FHOD3: variants seen among roughly 807,000 people sequenced by gnomAD.
The protein encoded by FHOD3 is FH1/FH2 domain-containing protein 3.
Under a neutral mutation model 173.0 loss-of-function variants are expected in FHOD3, and 90 were observed. The ratio of observed to expected loss-of-function variants is 0.52; its 90% CI spans 0.44 to 0.62. The LOEUF (loss-of-function observed/expected upper bound fraction) is 0.62. Ranked by LOEUF, FHOD3 falls within the 20% of genes least tolerant of loss-of-function variation. The pLI, the probability that FHOD3 is intolerant of heterozygous loss-of-function variation, is 0.00. For synonymous variants in FHOD3, 828 were observed against 823.0 expected, an observed-to-expected ratio of 1.01 and a Z score of -0.10; for missense variants, 1,945 against 2,034.7, an observed-to-expected ratio of 0.96 and a Z score of 0.85.
intron 10 of FHOD3, among the ~76,000 whole-genome samples, chr18:36,628,203 T>C (rs915746442): frequency 4.6e-5 from 7 of 152,160 alleles, no homozygotes; most frequent in African/African-American, 1.7e-4. Flanking sequence ...ACAGGACAGG[T>C]TTTATTAACC....
chr18:36,367,672 G>A (rs937279074), intron 2 of FHOD3, among the ~76,000 whole-genome samples: 4 of 152,138 alleles, frequency 2.6e-5, no homozygotes, highest in African/African-American at 4.8e-5. Flanking sequence ...ATCAAATTTT[G>A]TATTAGTCAG....
Position 36,780,067 on chromosome 18 carries a change from CTT to C in FHOD3, c.*540_*541del. On this transcript the variant is annotated 3_prime_UTR_variant, in exon 29 of 29. Coordinates refer to ENST00000590592, the MANE Select transcript of FHOD3 (RefSeq NM_001281740.3). ...TAGAGTTTAATGCCATAATGAGAAACTTTTATTCTTCTGGGAACAGGACCTTA... is the reference window on the plus strand; with the variant it reads ...TAGAGTTTAATGCCATAATGAGAAACTTATTCTTCTGGGAACAGGACCTTA... 1.8e-6 allele frequency: 2 copies of C among 1,090,432 alleles called. No homozygotes were observed. The highest frequency in any genetic ancestry group is 2.3e-6 in the Non-Finnish European group (2 of 858,520). The allele number at this position is 1,090,432 out of a possible 1,614,324, so 67.5% of individuals were successfully genotyped here.
intron 3 of FHOD3, among the ~76,000 whole-genome samples, chr18:36,386,525 A>G (rs1396513377): frequency 6.6e-6 from 1 of 152,210 alleles, no homozygotes; most frequent in Non-Finnish European, 1.5e-5. Flanking sequence ...TTGGCTTGGA[A>G]TTGCCCAGGC....
At chr18:36,396,415 C>G (rs968853442) in intron 3 of FHOD3, among the ~76,000 whole-genome samples, 1 of 152,150 alleles carries the variant, frequency 6.6e-6, no homozygotes, top group Non-Finnish European at 1.5e-5. Context: ...TCTCTTGAAT[C>G]ACTTTTGTCA....
chr18:36,388,562 C>T (rs1330423404), intron 3 of FHOD3, among the ~76,000 whole-genome samples: 3 of 152,326 alleles, frequency 2.0e-5, no homozygotes, highest in Admixed American at 1.3e-4. Context: ...ATAATGGTTT[C>T]CTCTCGGCAG....
chr18:36,585,594 A>G (rs2059000839), intron 6 of FHOD3, among the ~76,000 whole-genome samples: 1 of 152,270 alleles, frequency 6.6e-6, no homozygotes, highest in Admixed American at 6.5e-5. Context: ...ACAGGGCTAA[A>G]CAGCAGTTTC....
chr18:36,361,823 C>T (rs867034955), intron 2 of FHOD3, among the ~76,000 whole-genome samples: 15 of 152,260 alleles, frequency 9.9e-5, no homozygotes, highest in Middle Eastern at 6.8e-3. Context: ...CCCTGCCACG[C>T]CCAGCCTCAG....
At chr18:36,516,005 G>A (rs1316596028) in intron 5 of FHOD3, among the ~76,000 whole-genome samples, 1 of 152,212 alleles carries the variant, frequency 6.6e-6, no homozygotes, top group African/African-American at 2.4e-5. Flanking sequence ...GGATGGAAAT[G>A]ACACATTTCT....
At chr18:36,530,436 G>C (rs1449048897) in intron 5 of FHOD3, among the ~76,000 whole-genome samples, 5 of 152,162 alleles carry the variant, frequency 3.3e-5, no homozygotes, top group Non-Finnish European at 5.9e-5. Flanking sequence ...GAGTGTCCCT[G>C]CTGCCTAGAA....
At chr18:36,555,180 T>G (rs2057824682) in intron 5 of FHOD3, among the ~76,000 whole-genome samples, 1 of 152,180 alleles carries the variant, frequency 6.6e-6, no homozygotes, top group Non-Finnish European at 1.5e-5. Flanking sequence ...GCTGTAAATT[T>G]CCTTCTAGGT....
intron 3 of FHOD3, among the ~76,000 whole-genome samples, chr18:36,474,735 C>T (rs1408788187): frequency 1.3e-5 from 2 of 152,064 alleles, no homozygotes; most frequent in Admixed American, 6.5e-5. Flanking sequence ...ATCACCTTTG[C>T]GTTAGACTGA....
At chr18:36,410,156 A>T (rs1306695318) in intron 3 of FHOD3, among the ~76,000 whole-genome samples, 1 of 152,110 alleles carries the variant, frequency 6.6e-6, no homozygotes, top group Non-Finnish European at 1.5e-5. Flanking sequence ...ATTCACAGTC[A>T]CACCTAATTT....
chr18:36,627,861 G>A (rs1015206842), intron 10 of FHOD3, among the ~76,000 whole-genome samples: 3 of 152,168 alleles, frequency 2.0e-5, no homozygotes, highest in Admixed American at 6.5e-5. Context: ...TCAGAGTCAA[G>A]TGGCTCATTG....
At chr18:36,410,460 G>T (rs972089770) in intron 3 of FHOD3, among the ~76,000 whole-genome samples, 2 of 152,136 alleles carry the variant, frequency 1.3e-5, no homozygotes, top group Non-Finnish European at 2.9e-5. Flanking sequence ...GAACATTTAT[G>T]TACAAGTTTT....
At chr18:36,422,796 ATTAAT>A (rs1266363705) in intron 3 of FHOD3, among the ~76,000 whole-genome samples, 2 of 152,242 alleles carry the variant, frequency 1.3e-5, no homozygotes, top group Admixed American at 6.5e-5. Context: ...ATTAAATCTG[ATTAAT>A]TTAAGCATTG....
At chr18:36,475,688 C>A (rs796759193) in intron 3 of FHOD3, among the ~76,000 whole-genome samples, 1 of 149,656 alleles carries the variant, frequency 6.7e-6, no homozygotes, top group Non-Finnish European at 1.5e-5. Context: ...ACAAATAGAG[C>A]AATGTATACC....
intron 1 of FHOD3, among the ~76,000 whole-genome samples, chr18:36,352,803 G>C (rs17650113): frequency 0.051 from 7,752 of 152,306 alleles, 307 homozygotes; most frequent in Admixed American, 0.096. Context: ...AATAGGCAAA[G>C]TGTTGATACT....
intron 21 of FHOD3, among the ~76,000 whole-genome samples, chr18:36,741,605 A>C (rs768258445): frequency 6.6e-6 from 1 of 152,086 alleles, no homozygotes; most frequent in Non-Finnish European, 1.5e-5. Flanking sequence ...CCCTGTCTCT[A>C]CAGAAATTTT....
intron 3 of FHOD3, among the ~76,000 whole-genome samples, chr18:36,394,409 T>C (rs2048449566): frequency 1.3e-5 from 2 of 152,034 alleles, no homozygotes; most frequent in African/African-American, 4.8e-5. Flanking sequence ...ATTAATTGGA[T>C]GGGAAGGAGC....
Sources: gnomAD v4.1 joint callset for allele counts (sites outside exome capture counted in the v4.1 genomes callset) on GRCh38, gnomAD v4.1.1 for gene constraint, MANE v1.5 for transcripts, NCBI Gene and HGNC (gene_info 2026-07-23, HGNC 2026-07-21) for gene names.